SYNPO2: variants seen among roughly 807,000 people sequenced by gnomAD.
SYNPO2 encodes synaptopodin 2.
In SYNPO2, 56 loss-of-function variants were observed where a neutral mutation model predicts 85.0. The observed-to-expected ratio is 0.66, with a 90% CI of 0.53 to 0.82. The LOEUF (loss-of-function observed/expected upper bound fraction) is 0.82. Ranked by LOEUF, SYNPO2 falls within the 40% of genes least tolerant of loss-of-function variation. The pLI, the probability that SYNPO2 is intolerant of heterozygous loss-of-function variation, is 0.00. For missense variants in SYNPO2, 1,575 were observed against 1,534.2 expected (o/e 1.03, Z -0.44); for synonymous variants, 602 against 591.1 (o/e 1.02, Z -0.27).
At position 119,060,580 on chromosome 4, in the gene SYNPO2, T is replaced by C. The variant is rs1739380790; in HGVS notation, c.*2646T>C. On this transcript the variant is annotated 3_prime_UTR_variant, in exon 5 of 5. Coordinates refer to ENST00000307142, the MANE Select transcript of SYNPO2 (RefSeq NM_133477.3). ...GAGAAGATGTAGATGACTATTGTTC[T>C]CACTAAAGTTCTAAAATAATAGCAA... The C allele has an allele frequency of 6.6e-6, 1 of 152,208 alleles. No homozygotes were observed. Among genetic ancestry groups the C allele is most frequent in the Non-Finnish European group, 1.5e-5 (1 of 68,010 alleles). 9.4% of individuals were successfully genotyped at this position (152,208 alleles called of 1,614,324 possible). A position where few individuals can be genotyped will look rare whatever the true frequency, so the allele number is the denominator to read the frequency against.
Position 119,027,120 on chromosome 4 carries a change from G to T in SYNPO2, c.751G>T (p.Asp251Tyr). 1 of 1,614,150 alleles carries T rather than the reference G, an allele frequency of 6.2e-7. No homozygotes were observed. Among genetic ancestry groups the T allele is most frequent in the Admixed American group, 1.7e-5 (1 of 60,014 alleles). ...INSIPTNEKADPFLRSSKIIQ... is the reference protein window; with the variant it reads ...INSIPTNEKAYPFLRSSKIIQ... The stretch of plus-strand genomic sequence containing the variant: ...TTCGATCCCTACTAATGAGAAAGCA[G>T]ACCCTTTCCTGAGGTCCAGCAAGAT... The change falls in exon 3 of 5, where the codon GAC (aspartate) becomes TAC (tyrosine). Residue 251 changes from aspartate to tyrosine, a missense_variant. Transcript: ENST00000307142.
At chr4:118,985,704 C>A (rs755813808) in intron 1 of SYNPO2, among the ~76,000 whole-genome samples, 8 of 152,244 alleles carry the variant, frequency 5.3e-5, no homozygotes, top group Non-Finnish European at 1.2e-4. Flanking sequence ...CTAGAAGTGT[C>A]TTGTTTAACA....
intron 1 of SYNPO2, among the ~76,000 whole-genome samples, chr4:118,852,268 G>T (rs769352357): frequency 1.3e-5 from 2 of 152,180 alleles, no homozygotes; most frequent in African/African-American, 4.8e-5. Flanking sequence ...TACATTGTCT[G>T]TGGGAGTGTA....
intron 1 of SYNPO2, among the ~76,000 whole-genome samples, chr4:119,018,770 A>T (rs544114941): frequency 6.6e-6 from 1 of 152,268 alleles, no homozygotes; most frequent in South Asian, 2.1e-4. Context: ...GTTAACAATA[A>T]TTTATTGTAT....
At chr4:119,053,630 C>T (rs375589717) in intron 4 of SYNPO2, among the ~76,000 whole-genome samples, 1 of 152,156 alleles carries the variant, frequency 6.6e-6, no homozygotes, top group African/African-American at 2.4e-5. Context: ...TTAGTTTTCT[C>T]CCTGCATATT....
At position 119,027,052 on chromosome 4, in the gene SYNPO2, A is replaced by C. The variant is rs763562686; in HGVS notation, c.683A>C (p.Asp228Ala). Residue 228 changes from aspartate to alanine, a missense_variant, in exon 3 of 5, where the codon GAC becomes GCC. Asp to Ala is a moderately radical substitution (Grantham distance 126). Around this residue, in one of 3 missense-constraint regions of SYNPO2, gnomAD observed 1,508 missense variants for 1,446.8 expected, o/e 1.04. Transcript: ENST00000307142. ...GGAGCTGAAAAATCTAAGTCTCCTG[A>C]CCCAGACCCTAACTTGTCACATGAC... is the stretch of plus-strand genomic sequence containing the variant. Reference protein sequence around the residue: ...LPGAEKSKSPDPDPNLSHDRI... With the variant: ...LPGAEKSKSPAPDPNLSHDRI... 1 of 1,613,970 alleles carries C rather than the reference A, an allele frequency of 6.2e-7. No individual in the cohort carries two copies. Among genetic ancestry groups the C allele is most frequent in the African/African-American group, 1.3e-5 (1 of 74,886 alleles).
At chr4:118,895,796 T>C (rs2149116185) in intron 1 of SYNPO2, among the ~76,000 whole-genome samples, 1 of 152,334 alleles carries the variant, frequency 6.6e-6, no homozygotes, top group South Asian at 2.1e-4. Flanking sequence ...CTGGATATTT[T>C]GCATATTTTT....
In SYNPO2 at chr4:119,058,083, TG is replaced by T. The variant is rs1739274031; in HGVS notation, c.*150del. 3.0e-6 allele frequency: 2 copies of T among 666,726 alleles called. No homozygotes were observed. The highest frequency in any genetic ancestry group is 2.0e-5 in the South Asian group (1 of 49,560). 41.3% of individuals were successfully genotyped at this position (666,726 alleles called of 1,614,324 possible). On this transcript the variant is annotated 3_prime_UTR_variant, in exon 5 of 5. Transcript: ENST00000307142. ...TTATCTAAGTTTGTGTTTCTGTGTG[TG>T]TGTGTGTGTGTGTATGTATGTGAAT... is the stretch of plus-strand genomic sequence containing the variant.
chr4:118,991,016 A>C (rs1736396190), intron 1 of SYNPO2, among the ~76,000 whole-genome samples: 1 of 152,198 alleles, frequency 6.6e-6, no homozygotes, highest in Non-Finnish European at 1.5e-5. Flanking sequence ...GGCCCTTCCA[A>C]GTCAACTCCT....
rs779792493 is a variant in SYNPO2 at position 119,026,768 on chromosome 4, C to T, written c.399C>T (p.Leu133=). ...ATKTQCTEFF[L]APVKTEVPLA... ...AGACCCAGTGCACAGAATTCTTCCT[C>T]GCCCCTGTCAAGACTGAAGTTCCCC... The change falls in exon 3 of 5, where the codon CTC becomes CTT. Residue 133 remains leucine (L), a synonymous_variant. Coordinates refer to ENST00000307142, the MANE Select transcript of SYNPO2 (RefSeq NM_133477.3). 13 of 1,613,866 alleles carry T rather than the reference C, an allele frequency of 8.1e-6. No individual in the cohort carries two copies. The highest frequency in any genetic ancestry group is 5.3e-5 in the African/African-American group (4 of 74,844).
intron 4 of SYNPO2, among the ~76,000 whole-genome samples, chr4:119,050,071 C>T (rs189741101): frequency 1.3e-5 from 2 of 152,186 alleles, no homozygotes; most frequent in Admixed American, 1.3e-4. Flanking sequence ...GTGGCTCACA[C>T]ATGTAATCCC....
chr4:118,876,650 C>T (rs558438567), intron 1 of SYNPO2, among the ~76,000 whole-genome samples: 35 of 141,344 alleles, frequency 2.5e-4, no homozygotes, highest in African/African-American at 6.7e-4. Flanking sequence ...TTCCTTTCTT[C>T]CTTCCTTCCT....
intron 1 of SYNPO2, among the ~76,000 whole-genome samples, chr4:118,993,276 G>A (rs576551517): frequency 3.9e-5 from 6 of 152,110 alleles, no homozygotes; most frequent in Non-Finnish European, 8.8e-5. Flanking sequence ...AAAAAAAATA[G>A]TGCCTTACAA....
chr4:119,027,574 A>C, intron 3 of SYNPO2, 136 bp downstream of exon 3: 1 of 866,496 alleles, frequency 1.2e-6, no homozygotes. Context: ...TAATGCACAA[A>C]ATCACAAATG....
intron 4 of SYNPO2, chr4:119,035,291 A>T: frequency 1.0e-6 from 1 of 985,426 alleles, no homozygotes; most frequent in Non-Finnish European, 1.2e-6. Context: ...GGATTCTAGG[A>T]GGAAGGAAGG....
chr4:118,968,011 C>T (rs1735381659), intron 1 of SYNPO2, among the ~76,000 whole-genome samples: 1 of 152,200 alleles, frequency 6.6e-6, no homozygotes, highest in African/African-American at 2.4e-5. Context: ...TATTAACTTT[C>T]AAATAACATA....
chr4:118,919,432 A>C (rs544387699), intron 1 of SYNPO2, among the ~76,000 whole-genome samples: 1 of 152,274 alleles, frequency 6.6e-6, no homozygotes, highest in Admixed American at 6.5e-5. Flanking sequence ...TTATTCATCT[A>C]GGTATCAACT....
Position 118,861,597 on chromosome 4 carries a change from T to C in SYNPO2, c.12+10657T>C, listed in dbSNP as rs187697325. 4.1e-3 allele frequency among the ~76,000 whole-genome samples: 624 copies of C among 152,262 alleles called. 5 individuals are homozygous for C. Among genetic ancestry groups the C allele is most frequent in the African/African-American group, 0.014 (589 of 41,544 alleles). On this transcript the variant is annotated intron_variant, in intron 1 of 4. Coordinates refer to the SYNPO2 transcript ENST00000610556. ...TTCCCCAGCACCATTTATTGAAGAGTCTGTCCTTTCCCCAATGTATGTTCT... is the reference window on the plus strand; with the variant it reads ...TTCCCCAGCACCATTTATTGAAGAGCCTGTCCTTTCCCCAATGTATGTTCT...
At chr4:118,912,251 G>A (rs1477860500) in intron 1 of SYNPO2, among the ~76,000 whole-genome samples, 1 of 152,156 alleles carries the variant, frequency 6.6e-6, no homozygotes, top group Non-Finnish European at 1.5e-5. Flanking sequence ...GAGTGACTAT[G>A]GCTCACTGCA....
Sources: allele counts gnomAD v4.1 joint callset (sites outside exome capture counted in the v4.1 genomes callset), GRCh38; gene constraint gnomAD v4.1.1; regional missense constraint gnomAD v4.1.1; transcripts MANE v1.5; gene names NCBI Gene and HGNC (gene_info 2026-07-23, HGNC 2026-07-21).